Variants in OPCML observed in about 807,000 individuals in gnomAD.
The protein encoded by OPCML is opioid-binding protein/cell adhesion molecule.
In OPCML, 13 loss-of-function variants were observed where a neutral mutation model predicts 37.8. That is an observed-to-expected ratio of 0.34 (90% CI 0.22 to 0.55). The LOEUF (loss-of-function observed/expected upper bound fraction) is 0.55. Ranked by LOEUF, OPCML falls within the 20% of genes least tolerant of loss-of-function variation. The probability of loss-of-function intolerance (pLI) is 0.91; values close to 1 mark genes in which losing one functional copy is unlikely to be tolerated. For synonymous variants in OPCML, 176 were observed against 168.8 expected, an observed-to-expected ratio of 1.04 and a Z score of -0.33; for missense variants, 341 against 435.6, an observed-to-expected ratio of 0.78 and a Z score of 1.93.
At chr11:132,870,757 T>C (rs1283368445) in intron 2 of OPCML, among the ~76,000 whole-genome samples, 1 of 152,174 alleles carries the variant, frequency 6.6e-6, no homozygotes, top group African/African-American at 2.4e-5. Context: ...TGGAGCAACA[T>C]CAATGAACCT....
At chr11:133,045,938 C>T (rs779936933) in intron 1 of OPCML, among the ~76,000 whole-genome samples, 1 of 152,152 alleles carries the variant, frequency 6.6e-6, no homozygotes, top group Admixed American at 6.5e-5. Context: ...TGAGCCAAGT[C>T]GTTGACAGTC....
chr11:133,103,700 C>T (rs1949118003), intron 1 of OPCML, among the ~76,000 whole-genome samples: 1 of 152,180 alleles, frequency 6.6e-6, no homozygotes, highest in Non-Finnish European at 1.5e-5. Flanking sequence ...AATGCATCTC[C>T]CCACTCACTA....
At chr11:133,135,291 A>G (rs777447802) in intron 1 of OPCML, among the ~76,000 whole-genome samples, 6 of 152,188 alleles carry the variant, frequency 3.9e-5, no homozygotes, top group Non-Finnish European at 7.3e-5. Flanking sequence ...TAGCCTTATG[A>G]TTAGCATGTG....
At chr11:132,553,199 G>T (rs1479570960) in intron 3 of OPCML, among the ~76,000 whole-genome samples, 2 of 152,170 alleles carry the variant, frequency 1.3e-5, no homozygotes, top group East Asian at 3.9e-4. Context: ...CCATAATGGG[G>T]GATAACCACT....
chr11:132,880,625 T>TA, intron 2 of OPCML, among the ~76,000 whole-genome samples: 1 of 152,298 alleles, frequency 6.6e-6, no homozygotes, highest in African/African-American at 2.4e-5. Context: ...AAAACTCAAT[T>TA]AAAACGTACA....
At chr11:132,527,050 A>G (rs1329034567) in intron 4 of OPCML, among the ~76,000 whole-genome samples, 1 of 152,100 alleles carries the variant, frequency 6.6e-6, no homozygotes, top group Non-Finnish European at 1.5e-5. Context: ...CCATTTTGTT[A>G]TGTGCACCAG....
intron 2 of OPCML, among the ~76,000 whole-genome samples, chr11:132,936,662 A>G (rs1227091071): frequency 6.6e-6 from 1 of 152,250 alleles, no homozygotes; most frequent in African/African-American, 2.4e-5. Flanking sequence ...CCATACACAG[A>G]TCTAGGCTAG....
At chr11:132,705,599 A>C (rs1169444031) in intron 2 of OPCML, among the ~76,000 whole-genome samples, 2 of 152,008 alleles carry the variant, frequency 1.3e-5, no homozygotes, top group African/African-American at 2.4e-5. Flanking sequence ...CTCAAAAAAA[A>C]TAAAAAGTAA....
intron 2 of OPCML, among the ~76,000 whole-genome samples, chr11:132,776,219 CGCGCCCA>C (rs564900637): frequency 1.1e-4 from 16 of 152,202 alleles, no homozygotes; most frequent in Non-Finnish European, 2.1e-4. Flanking sequence ...GTTGAGTCAC[CGCGCCCA>C]GCTGCATCCT....
Position 133,390,793 on chromosome 11 carries a change from A to G in OPCML, c.61+141471T>C, listed in dbSNP as rs560227951. Among the ~76,000 whole-genome samples, 7 of 152,326 alleles carry G rather than the reference A, an allele frequency of 4.6e-5. No homozygotes were observed. In the South Asian group the frequency reaches 1.5e-3, roughly 32 times the overall value. On this transcript the variant is annotated intron_variant, in intron 1 of 7. Coordinates refer to ENST00000524381, the MANE Select transcript of OPCML (RefSeq NM_001012393.5). ...ACTGAACAAAAGAAGCATCACTTCT[A>G]TTCCTTCTCTCCAGTACTTCCTGTG...
chr11:132,459,618 ATAT>A (rs2136902063), intron 4 of OPCML, among the ~76,000 whole-genome samples: 1 of 151,614 alleles, frequency 6.6e-6, no homozygotes, highest in African/African-American at 2.4e-5. Flanking sequence ...ACCTTGCCTA[ATAT>A]AGATTCCTTT....
chr11:133,015,077 G>A (rs1465808245), intron 1 of OPCML, among the ~76,000 whole-genome samples: 1 of 152,090 alleles, frequency 6.6e-6, no homozygotes, highest in African/African-American at 2.4e-5. Context: ...ACAGCATAAT[G>A]TTCTCTTCTA....
chr11:133,063,825 G>C (rs576919663), intron 1 of OPCML, among the ~76,000 whole-genome samples: 1 of 152,240 alleles, frequency 6.6e-6, no homozygotes, highest in Admixed American at 6.5e-5. Context: ...GCCTCCCAAA[G>C]TGCTGGGATT....
At chr11:132,435,927 T>C (rs1334103714) in intron 7 of OPCML, among the ~76,000 whole-genome samples, 159 bp downstream of exon 7, 1 of 152,208 alleles carries the variant, frequency 6.6e-6, no homozygotes, top group East Asian at 1.9e-4. Context: ...CTGCATGGCA[T>C]GCTAGGGGAA....
intron 1 of OPCML, among the ~76,000 whole-genome samples, chr11:133,368,068 G>T (rs1944586324): frequency 6.6e-6 from 1 of 152,210 alleles, no homozygotes; most frequent in Admixed American, 6.5e-5. Context: ...AATATGCCCT[G>T]CCAGGGCTGG....
intron 4 of OPCML, among the ~76,000 whole-genome samples, chr11:132,477,201 G>A (rs2508945): frequency 0.53 from 79,880 of 152,022 alleles, 21,602 homozygotes; most frequent in East Asian, 0.86. Flanking sequence ...GATGGCTCTT[G>A]AAGCCAAGTC....
At chr11:133,320,705 A>G (rs1470680437) in intron 1 of OPCML, among the ~76,000 whole-genome samples, 1 of 152,212 alleles carries the variant, frequency 6.6e-6, no homozygotes, top group East Asian at 1.9e-4. Context: ...GAAACATCCC[A>G]ATCAACCAAC....
chr11:133,212,829 C>T lies in OPCML; in HGVS notation c.62-269819G>A, dbSNP rs1028981501. Reference sequence around the variant, plus strand: ...AGCTGTTGAGAGGTAAGAGTGAACTCATGACACTGCACCCTTTGTATGGGT... The same window carrying T: ...AGCTGTTGAGAGGTAAGAGTGAACTTATGACACTGCACCCTTTGTATGGGT... On this transcript the variant is annotated intron_variant, in intron 1 of 7. Transcript: ENST00000524381. The surrounding 1 kb of genome is among the most constrained non-coding windows in gnomAD (Gnocchi z 4.9). 6.6e-6 allele frequency among the ~76,000 whole-genome samples: 1 copy of T among 152,184 alleles called. No individual in the cohort carries two copies. Among genetic ancestry groups the T allele is most frequent in the African/African-American group, 2.4e-5 (1 of 41,442 alleles).
At chr11:133,029,004 G>A (rs1393180946) in intron 1 of OPCML, among the ~76,000 whole-genome samples, 4 of 151,338 alleles carry the variant, frequency 2.6e-5, no homozygotes, top group Non-Finnish European at 4.4e-5. Flanking sequence ...CAAGGAGTTC[G>A]AACAACTTAA....
Sources: gnomAD v4.1 joint callset for allele counts (sites outside exome capture counted in the v4.1 genomes callset) on GRCh38, gnomAD v4.1.1 for gene constraint, Gnocchi (gnomAD v3.1) non-coding constraint, MANE v1.5 for transcripts, NCBI Gene and HGNC (gene_info 2026-07-23, HGNC 2026-07-21) for gene names.